Variants in SYNE1 observed in about 807,000 individuals in gnomAD.
SYNE1 encodes the protein nesprin-1.
In SYNE1, 616 loss-of-function variants were observed where a neutral mutation model predicts 1,111.0. The observed-to-expected ratio is 0.55, with a 90% CI of 0.52 to 0.59. The LOEUF is 0.59. Among genes scored for constraint, SYNE1 ranks in the 20% least tolerant of loss-of-function variants. The pLI, the probability that SYNE1 is intolerant of heterozygous loss-of-function variation, is 0.00. For missense variants in SYNE1, 10,006 were observed against 10,417.0 expected, an observed-to-expected ratio of 0.96 and a Z score of 1.72; for synonymous variants, 3,855 against 3,825.8, an observed-to-expected ratio of 1.01 and a Z score of -0.28.
chr6:152,613,946 AAACTGGATCCCCTCCTT>A (rs1351715087), intron 3 of SYNE1, among the ~76,000 whole-genome samples: 5 of 152,222 alleles, frequency 3.3e-5, no homozygotes, highest in Non-Finnish European at 5.9e-5. Context: ...TAGAAAGCTG[AAACTGGATCCCCTCCTT>A]ACACCTTATA....
chr6:152,187,992 C>T (rs2070743843), intron 128 of SYNE1, among the ~76,000 whole-genome samples: 1 of 152,222 alleles, frequency 6.6e-6, no homozygotes, highest in Admixed American at 6.5e-5. Context: ...TCCCAAAGTG[C>T]TGGGACTACA....
intron 29 of SYNE1, among the ~76,000 whole-genome samples, chr6:152,445,164 T>A (rs1360552508): frequency 6.6e-6 from 1 of 151,916 alleles, no homozygotes; most frequent in Non-Finnish European, 1.5e-5. Context: ...GCCTTTTAGG[T>A]CTCTTTCATT....
At chr6:152,151,802 AAT>A in intron 134 of SYNE1, 112 bp from the exon 135 acceptor site, 1 of 1,511,986 alleles carries the variant, frequency 6.6e-7, no homozygotes, top group African/African-American at 1.4e-5. Context: ...CTCAGCAAGC[AAT>A]GAGAAGCCTG....
intron 145 of SYNE1, among the ~76,000 whole-genome samples, chr6:152,124,496 A>G (rs916349701): frequency 2.6e-5 from 4 of 152,162 alleles, no homozygotes; most frequent in African/African-American, 9.7e-5. Context: ...CTAGGTGTCA[A>G]CCTCTTCACT....
rs927033900 is a variant in SYNE1, at chr6:152,462,973, C to T, written c.2098-83G>A. On this transcript the variant is annotated intron_variant, in intron 19 of 145. Transcript: ENST00000367255. ...ACCACAACTTTCACTTTCACATATT[C>T]GCTGGAATTGTTATCCGGTAAGAAA... 1.7e-5 allele frequency: 25 copies of T among 1,506,368 alleles called. 1 individual carries two copies. In the South Asian group the frequency reaches 2.2e-4, roughly 13 times the overall value. The allele number at this position is 1,506,368 out of a possible 1,614,324, so 93.3% of individuals were successfully genotyped here.
At chr6:152,254,187 G>A (rs1459430148) in intron 104 of SYNE1, among the ~76,000 whole-genome samples, 4 of 147,592 alleles carry the variant, frequency 2.7e-5, no homozygotes, top group African/African-American at 7.4e-5. Flanking sequence ...CACTTTCAAA[G>A]ACTCTTAGGT....
At chr6:152,587,890 A>T (rs1186529699) in intron 3 of SYNE1, among the ~76,000 whole-genome samples, 1 of 152,182 alleles carries the variant, frequency 6.6e-6, no homozygotes, top group Non-Finnish European at 1.5e-5. Flanking sequence ...ATGGAACTCA[A>T]CTACTATAAA....
intron 140 of SYNE1, 37 bp downstream of exon 140, chr6:152,139,912 TC>T (rs1331209787): frequency 6.3e-7 from 1 of 1,577,684 alleles, no homozygotes; most frequent in East Asian, 2.3e-5. Flanking sequence ...GCGGTGGCTC[TC>T]TGTTTGTCCG....
chr6:152,145,796 G>A (rs1018737182), intron 137 of SYNE1: 25 of 443,926 alleles, frequency 5.6e-5, no homozygotes, highest in East Asian at 2.0e-4. Context: ...AGGCCAAGGC[G>A]GGTGGATCAC....
chr6:152,536,064 T>C (rs2099234563), intron 4 of SYNE1, among the ~76,000 whole-genome samples: 1 of 151,818 alleles, frequency 6.6e-6, no homozygotes, highest in Non-Finnish European at 1.5e-5. Context: ...ACACCCACTT[T>C]CCTATTCCCA....
chr6:152,133,308 C>T lies in SYNE1; in HGVS notation c.25969G>A (p.Glu8657Lys), dbSNP rs372823516. 3.1e-6 allele frequency: 5 copies of T among 1,614,190 alleles called. No homozygotes were observed. The highest frequency in any genetic ancestry group is 4.2e-6 in the Non-Finnish European group (5 of 1,180,038). ...CTACTTGACACGTCTAATAACTTCT[C>T]CAGTTCCTTGATATGACGACTGACC... The part of the protein sequence containing the change: ...KEVSRHIKEL[E>K]KLLDVSSSQQ... The change falls in exon 143 of 146, where the codon GAG (glutamate) becomes AAG (lysine). Residue 8657 changes from glutamate (E) to lysine (K), a missense_variant. Around this residue, in one of 7 missense-constraint regions of SYNE1, gnomAD observed 761 missense variants for 795.5 expected, o/e 0.96. Transcript: ENST00000367255.
At chr6:152,175,865 T>C (rs1028207375) in intron 130 of SYNE1, among the ~76,000 whole-genome samples, 1 of 152,200 alleles carries the variant, frequency 6.6e-6, no homozygotes, top group Non-Finnish European at 1.5e-5. Flanking sequence ...AATATTCTTC[T>C]TAGGTATGAG....
chr6:152,493,977 C>T (rs1564437212), intron 11 of SYNE1, among the ~76,000 whole-genome samples: 1 of 152,192 alleles, frequency 6.6e-6, no homozygotes, highest in African/African-American at 2.4e-5. Flanking sequence ...CTCTCCCTAA[C>T]TCATCCCAAC....
chr6:152,369,982 C>CAAAAAAAAAAAAA (rs778013525), intron 59 of SYNE1, among the ~76,000 whole-genome samples: 3 of 49,986 alleles, frequency 6.0e-5, no homozygotes, highest in African/African-American at 2.5e-4. Context: ...GACTCTGTCT[C>CAAAAAAAAAAAAA]AAAAAAAAAA....
Position 152,259,543 on chromosome 6 carries a change from G to C in SYNE1, c.18972+2489C>G, listed in dbSNP as rs533934888. On this transcript the variant is annotated intron_variant, in intron 101 of 145. Coordinates refer to ENST00000367255, the MANE Select transcript of SYNE1 (RefSeq NM_182961.4). ...GCCATTAAGGTAGTATGAAAGAGGA[G>C]GGACTTAGGTAACAGAGATATCGGC... Among the ~76,000 whole-genome samples, 8 of 152,274 alleles carry C rather than the reference G, an allele frequency of 5.3e-5. No individual in the cohort carries two copies. The South Asian group carries it at 1.7e-3, about 32-fold the overall frequency.
At chr6:152,592,433 G>A (rs1004467508) in intron 3 of SYNE1, among the ~76,000 whole-genome samples, 4 of 152,124 alleles carry the variant, frequency 2.6e-5, no homozygotes, top group African/African-American at 7.2e-5. Flanking sequence ...TGGAGCTGGA[G>A]GCCATAATCC....
Position 152,208,108 on chromosome 6 carries a change from CG to C in SYNE1, c.22687del (p.Arg7563AlafsTer25). On this transcript the variant is annotated frameshift_variant, in exon 125 of 146. Coordinates refer to ENST00000367255, the MANE Select transcript of SYNE1 (RefSeq NM_182961.4). LOFTEE classifies it high-confidence loss of function. ...CATCTCCCTATAGCGCTGCCACTGGCGAATCTGGCTGTCAATGATCCCCCGC... is the reference window on the plus strand; with the variant it reads ...CATCTCCCTATAGCGCTGCCACTGGCAATCTGGCTGTCAATGATCCCCCGC... ...QRRGIIDSQI[R>X]QWQRYREMAE... 1 of 1,614,052 alleles carries C rather than the reference CG, an allele frequency of 6.2e-7. No homozygotes were observed.
In SYNE1 at chr6:152,352,125, G is replaced by T. The variant is rs924718355; in HGVS notation, c.11482C>A (p.Leu3828Met). ...TGGTATTCTGCTATCCACTGTGTCA[G>T]TGCTTTGCATTTATCTGAGAATTCC... is the stretch of plus-strand genomic sequence containing the variant. Reference protein sequence around the residue: ...AKEFSDKCKALTQWIAEYQEI... With the variant: ...AKEFSDKCKAMTQWIAEYQEI... Residue 3828 changes from leucine (L) to methionine (M), a missense_variant, in exon 70 of 146, where the codon CTG becomes ATG. By Grantham distance (15) the Leu-to-Met change is conservative. Coordinates refer to ENST00000367255, the MANE Select transcript of SYNE1 (RefSeq NM_182961.4). The T allele has an allele frequency of 6.2e-7, 1 of 1,614,202 alleles. No individual in the cohort carries two copies. The highest frequency in any genetic ancestry group is 8.5e-7 in the Non-Finnish European group (1 of 1,180,038).
intron 8 of SYNE1, among the ~76,000 whole-genome samples, chr6:152,508,484 C>T (rs919155533): frequency 3.9e-5 from 6 of 152,208 alleles, no homozygotes; most frequent in African/African-American, 9.7e-5. Context: ...TGCTGGATAA[C>T]TCCAACAGCA....
Sources: allele counts gnomAD v4.1 joint callset (sites outside exome capture counted in the v4.1 genomes callset), GRCh38; gene constraint gnomAD v4.1.1; regional missense constraint gnomAD v4.1.1; transcripts MANE v1.5; gene names NCBI Gene and HGNC (gene_info 2026-07-23, HGNC 2026-07-21).